SNX19: variants seen among roughly 807,000 people sequenced by gnomAD.
The protein encoded by SNX19 is sorting nexin-19.
Under a neutral mutation model 85.2 loss-of-function variants are expected in SNX19, and 60 were observed. The observed-to-expected ratio is 0.70, with a 90% CI of 0.57 to 0.87. SNX19 has a LOEUF of 0.87. Among genes scored for constraint, SNX19 ranks in the 40% least tolerant of loss-of-function variants. SNX19 has a pLI of 0.00. For missense variants in SNX19, 1,201 were observed against 1,217.8 expected (o/e 0.99, Z 0.21); for synonymous variants, 520 against 470.0 (o/e 1.11, Z -1.38).
intron 1 of SNX19, among the ~76,000 whole-genome samples, chr11:130,912,524 T>G (rs757521723): frequency 5.3e-5 from 8 of 152,164 alleles, no homozygotes; most frequent in Non-Finnish European, 1.2e-4. Flanking sequence ...TAAGACACAA[T>G]GAAACGCTGT....
chr11:130,899,162 C>T (rs1186357370), intron 8 of SNX19, among the ~76,000 whole-genome samples: 6 of 152,214 alleles, frequency 3.9e-5, no homozygotes, highest in Non-Finnish European at 8.8e-5. Flanking sequence ...CATGTGCATA[C>T]AGTGTTCAGT....
Position 130,877,754 on chromosome 11 carries a change from A to C in SNX19, c.*668T>G, listed in dbSNP as rs1164750026. 1 of 152,676 alleles carries C rather than the reference A, an allele frequency of 6.5e-6. No homozygotes were observed. Among genetic ancestry groups the C allele is most frequent in the East Asian group, 1.9e-4 (1 of 5,184 alleles). The allele number at this position is 152,676 out of a possible 1,614,324, so 9.5% of individuals were successfully genotyped here. ...CAGAAGCTTTGGCAGTCAGCTTTGA[A>C]GTCTTCTGGAAAGGAAAGTGTAGCC... On this transcript the variant is annotated 3_prime_UTR_variant, in exon 11 of 11. Transcript: ENST00000265909.
At chr11:130,903,434 AG>A in intron 7 of SNX19, 50 bp from the exon 8 acceptor site, 1 of 1,589,192 alleles carries the variant, frequency 6.3e-7, no homozygotes, top group South Asian at 1.1e-5. Flanking sequence ...CCCATACTTG[AG>A]GAACATCTTT....
intron 6 of SNX19, 62 bp downstream of exon 6, chr11:130,906,563 G>A: frequency 1.7e-6 from 2 of 1,172,648 alleles, no homozygotes; most frequent in Non-Finnish European, 2.6e-6. Flanking sequence ...TCAACTACCT[G>A]TAACTGCAGG....
In SNX19 at chr11:130,914,585, G is replaced by C; in HGVS notation, c.1355C>G (p.Ala452Gly). The change falls in exon 1 of 11, where the codon GCA (alanine) becomes GGA (glycine). Residue 452 changes from alanine to glycine, a missense_variant. Physicochemically the swap from Ala to Gly is moderately conservative, Grantham distance 60 (BLOSUM62 0). Around this residue, in one of 3 missense-constraint regions of SNX19, gnomAD observed 791 missense variants for 750.9 expected, o/e 1.05. Coordinates refer to ENST00000265909, the MANE Select transcript of SNX19 (RefSeq NM_014758.3). ...NSCPEIHIDT[A>G]DKEIEQGDVT... is the part of the protein sequence containing the mutation. Reference sequence around the variant, plus strand: ...ATCTCCTTGTTCTATCTCCTTGTCTGCTGTGTCAATATGGATCTCTGGGCA... The same window carrying C: ...ATCTCCTTGTTCTATCTCCTTGTCTCCTGTGTCAATATGGATCTCTGGGCA... 6.2e-7 allele frequency: 1 copy of C among 1,613,976 alleles called. No individual in the cohort carries two copies. Among genetic ancestry groups the C allele is most frequent in the East Asian group, 2.2e-5 (1 of 44,874 alleles).
At chr11:130,897,061 G>A (rs1487769698) in intron 8 of SNX19, among the ~76,000 whole-genome samples, 2 of 152,092 alleles carry the variant, frequency 1.3e-5, no homozygotes, top group Non-Finnish European at 2.9e-5. Context: ...GCACTCTCCA[G>A]TGCTCCCAGA....
intron 8 of SNX19, chr11:130,893,885 C>T: frequency 1.4e-6 from 1 of 697,304 alleles, no homozygotes; most frequent in East Asian, 2.7e-5. Flanking sequence ...ACCCAACTCC[C>T]TCCCTGCTCC....
chr11:130,915,540 C>T lies in SNX19; in HGVS notation c.400G>A (p.Ala134Thr). 2 of 1,614,236 alleles carry T rather than the reference C, an allele frequency of 1.2e-6. No homozygotes were observed. The highest frequency in any genetic ancestry group is 1.7e-6 in the Non-Finnish European group (2 of 1,180,040). The change falls in exon 1 of 11, where the codon GCC becomes ACC. Residue 134 changes from alanine to threonine, a missense_variant. Ala to Thr is a moderately conservative substitution (Grantham distance 58). Around this residue, in one of 3 missense-constraint regions of SNX19, gnomAD observed 791 missense variants for 750.9 expected, o/e 1.05. Coordinates refer to ENST00000265909, the MANE Select transcript of SNX19 (RefSeq NM_014758.3). ...AGCTCCTGGACCAACCCTTTCATGG[C>T]TGCCTCCATTTCTTCCTCAAAGGCT... ...EPAFEEEMEA[A>T]MKGLVQELRR...
chr11:130,906,094 T>G lies in SNX19; in HGVS notation c.2302A>C (p.Ile768Leu). 6.2e-7 allele frequency: 1 copy of G among 1,614,136 alleles called. No homozygotes were observed. The change falls in exon 7 of 11, where the codon ATT becomes CTT. Residue 768 changes from isoleucine (I) to leucine (L), a missense_variant. By Grantham distance (5) the Ile-to-Leu change is conservative (BLOSUM62 2). Transcript: ENST00000265909. Reference protein sequence around the residue: ...TLSMSAMESFIEKQTKLLEMQ... With the variant: ...TLSMSAMESFLEKQTKLLEMQ... ...TCCAGTAACTTTGTCTGTTTTTCAA[T>G]AAAAGATTCCATCGCAGACATGGAT... is the stretch of plus-strand genomic sequence containing the variant.
rs1946586778 is a variant in SNX19, at chr11:130,916,398, C to CA, written c.-460_-459insT. On this transcript the variant is annotated 5_prime_UTR_variant, in exon 1 of 11. In the 5' UTR this introduces an upstream ATG that the reference lacks. Coordinates refer to ENST00000265909, the MANE Select transcript of SNX19 (RefSeq NM_014758.3). ...GGTCCTCTCCGGGAGCCTCGGCCCT[C>CA]TGCCGCCGTAAACCTGGGCGACTGC... 1.3e-5 allele frequency: 2 copies of CA among 156,614 alleles called. No homozygotes were observed. The highest frequency in any genetic ancestry group is 2.8e-5 in the Non-Finnish European group (2 of 70,774). The allele number at this position is 156,614 out of a possible 1,614,324, so 9.7% of individuals were successfully genotyped here.
At position 130,908,094 on chromosome 11, in the gene SNX19, C is replaced by A. The variant is rs779099719; in HGVS notation, c.2035-11G>T. On this transcript the variant is annotated splice_polypyrimidine_tract_variant and intron_variant, in intron 4 of 10. Coordinates refer to ENST00000265909, the MANE Select transcript of SNX19 (RefSeq NM_014758.3). ...GGCACTCACCACCATCTGCAGGGGT[C>A]AGAGGTGCAGGGTCAGTCCATCCAC... 1.2e-6 allele frequency: 2 copies of A among 1,613,528 alleles called. No homozygotes were observed. The highest frequency in any genetic ancestry group is 1.1e-5 in the South Asian group (1 of 91,020).
intron 7 of SNX19, 179 bp downstream of exon 7, chr11:130,905,774 G>T (rs2135390221): frequency 6.5e-7 from 1 of 1,537,908 alleles, no homozygotes; most frequent in East Asian, 2.4e-5. Context: ...TTCCGCTGTG[G>T]CAACTATGTA....
Position 130,878,554 on chromosome 11 carries a change from C to A in SNX19, c.2847G>T (p.Arg949Ser). The change falls in exon 11 of 11, where the codon AGG becomes AGT. Residue 949 changes from arginine (R) to serine (S), a missense_variant and splice_region_variant. Coordinates refer to ENST00000265909, the MANE Select transcript of SNX19 (RefSeq NM_014758.3). ...LESLQQPLIN[R>S]HLIYCLGDII... ...TGTCCCCAAGGCAGTAAATCAAATG[C>A]CTGAAACGAATGGACAAAAAACTTA... 1 of 1,612,178 alleles carries A rather than the reference C, an allele frequency of 6.2e-7. No individual in the cohort carries two copies. Among genetic ancestry groups the A allele is most frequent in the South Asian group, 1.1e-5 (1 of 90,900 alleles).
chr11:130,899,283 C>T (rs1945089960), intron 8 of SNX19, among the ~76,000 whole-genome samples: 1 of 152,148 alleles, frequency 6.6e-6, no homozygotes, highest in Admixed American at 6.5e-5. Flanking sequence ...GTGTTAGCTC[C>T]ATGTCTATAA....
At chr11:130,899,719 C>T (rs1194195761) in intron 8 of SNX19, among the ~76,000 whole-genome samples, 13 of 152,160 alleles carry the variant, frequency 8.5e-5, no homozygotes, top group Admixed American at 8.5e-4. Flanking sequence ...ACATCTTCAC[C>T]TGGAAATATG....
chr11:130,911,467 T>C (rs1339140436), intron 2 of SNX19, 166 bp downstream of exon 2: 1 of 1,444,562 alleles, frequency 6.9e-7, no homozygotes, highest in African/African-American at 1.4e-5. Context: ...AAGAATGTGA[T>C]TGCTGCTGTC....
chr11:130,897,259 A>G (rs565124743), intron 8 of SNX19, among the ~76,000 whole-genome samples: 7 of 151,916 alleles, frequency 4.6e-5, no homozygotes, highest in East Asian at 1.9e-4. Flanking sequence ...GATACTTCCT[A>G]ACTTTACACA....
rs1945699238 is a variant in SNX19, at chr11:130,906,689, G to T, written c.2198C>A (p.Ser733Tyr). The change falls in exon 6 of 11, where the codon TCT becomes TAT. Residue 733 changes from serine (S) to tyrosine (Y), a missense_variant. Coordinates refer to ENST00000265909, the MANE Select transcript of SNX19 (RefSeq NM_014758.3). ...TGCTTCAGTCACACTTAGTGCTGGA[G>T]AAATTTTACTGGATGAGAACCTCAG... ...SRLRFSSSKI[S>Y]PALSVTEAQD... The T allele has an allele frequency of 6.2e-7, 1 of 1,612,944 alleles. No homozygotes were observed. The highest frequency in any genetic ancestry group is 1.1e-5 in the South Asian group (1 of 91,058).
Position 130,878,183 on chromosome 11 carries a change from C to G in SNX19, c.*239G>C. On this transcript the variant is annotated 3_prime_UTR_variant, in exon 11 of 11. Transcript: ENST00000265909. ...CTTTTCCCAAAGGAAACAGGATCTA[C>G]TCACCAGCAACAATCCCAACATCAC... 2.8e-6 allele frequency: 1 copy of G among 361,382 alleles called. No homozygotes were observed. The highest frequency in any genetic ancestry group is 5.0e-6 in the Non-Finnish European group (1 of 198,120). The allele number at this position is 361,382 out of a possible 1,614,324, so 22.4% of individuals were successfully genotyped here.
Sources: allele counts gnomAD v4.1 joint callset (sites outside exome capture counted in the v4.1 genomes callset), GRCh38; gene constraint gnomAD v4.1.1; regional missense constraint gnomAD v4.1.1; transcripts MANE v1.5; gene names NCBI Gene and HGNC (gene_info 2026-07-23, HGNC 2026-07-21).